The following CCDC198 variants were observed in gnomAD, a reference collection of about 807,000 sequenced individuals.
CCDC198 encodes the protein factor associated with metabolism and energy.
A neutral mutation model predicts 35.6 loss-of-function variants in CCDC198; 18 were observed. The observed-to-expected ratio is 0.51, with a 90% CI of 0.35 to 0.75. The LOEUF is 0.75. Among genes scored for constraint, CCDC198 ranks in the 30% least tolerant of loss-of-function variants. The probability of loss-of-function intolerance (pLI) is 0.01; values close to 1 mark genes in which losing one functional copy is unlikely to be tolerated. For missense variants in CCDC198, 365 were observed against 343.7 expected, an observed-to-expected ratio of 1.06 and a Z score of -0.49; for synonymous variants, 119 against 113.4, an observed-to-expected ratio of 1.05 and a Z score of -0.31.
chr14:57,479,967 A>G (rs1234485445), intron 5 of CCDC198, among the ~76,000 whole-genome samples: 2 of 152,162 alleles, frequency 1.3e-5, no homozygotes, highest in South Asian at 2.1e-4. Flanking sequence ...ACCTAAGGCA[A>G]TACTACTGGG....
chr14:57,472,802 C>T (rs1417905205), intron 5 of CCDC198, among the ~76,000 whole-genome samples: 3 of 152,102 alleles, frequency 2.0e-5, no homozygotes, highest in Non-Finnish European at 4.4e-5. Flanking sequence ...GCAACAGGAG[C>T]TTTGTTCAAG....
intron 5 of CCDC198, 143 bp downstream of exon 5, chr14:57,480,452 C>T: frequency 1.7e-6 from 2 of 1,188,404 alleles, no homozygotes; most frequent in East Asian, 5.0e-5. Context: ...GACAACATGC[C>T]CACTATATTC....
At chr14:57,476,650 C>G (rs1232977350) in intron 5 of CCDC198, among the ~76,000 whole-genome samples, 1 of 152,138 alleles carries the variant, frequency 6.6e-6, no homozygotes, top group Non-Finnish European at 1.5e-5. Context: ...CAGTAGAAAG[C>G]AGCAACTGAC....
intron 2 of CCDC198, 175 bp downstream of exon 2, chr14:57,490,814 C>T: frequency 3.1e-6 from 2 of 643,540 alleles, no homozygotes; most frequent in Non-Finnish European, 5.1e-6. Context: ...GAAATCATTG[C>T]TAAAGGAAAT....
At position 57,490,971 on chromosome 14, in the gene CCDC198, C is replaced by T. The variant is rs779565178; in HGVS notation, c.306+18G>A. 2.6e-6 allele frequency: 4 copies of T among 1,538,038 alleles called. No individual in the cohort carries two copies. In the Admixed American group the frequency reaches 5.1e-5, roughly 19 times the overall value. Reference sequence around the variant, plus strand: ...TTATCCAAGAAATTCCTTATGAAGCCTTTTAAATTCATCTTACTTGAAGTC... The same window carrying T: ...TTATCCAAGAAATTCCTTATGAAGCTTTTTAAATTCATCTTACTTGAAGTC... On this transcript the variant is annotated intron_variant, in intron 2 of 5. Transcript: ENST00000216445.
intron 5 of CCDC198, chr14:57,475,359 T>C: frequency 2.0e-6 from 2 of 995,262 alleles, no homozygotes; most frequent in South Asian, 4.2e-5. Flanking sequence ...GGTGGCCAGA[T>C]AAGACCAGAA....
chr14:57,475,127 G>A (rs896501584), intron 5 of CCDC198, among the ~76,000 whole-genome samples: 1 of 151,774 alleles, frequency 6.6e-6, no homozygotes, highest in Non-Finnish European at 1.5e-5. Context: ...CGGGCATGGT[G>A]GCGGGCGCCT....
chr14:57,490,901 A>G (rs781717871), intron 2 of CCDC198, 88 bp downstream of exon 2: 20 of 1,228,636 alleles, frequency 1.6e-5, no homozygotes, highest in Non-Finnish European at 2.2e-5. Flanking sequence ...GTCCTTATCA[A>G]TATCCCTCTT....
In CCDC198 at chr14:57,471,565, CA is replaced by C; in HGVS notation, c.680del (p.Leu227Ter). The C allele has an allele frequency of 6.3e-7, 1 of 1,594,288 alleles. No homozygotes were observed. The highest frequency in any genetic ancestry group is 1.7e-4 in the Middle Eastern group (1 of 5,940). Reference protein sequence around the residue: ...GPGNSKNTEFLKHQAVNNYCP... With the variant: ...GPGNSKNTEFXKHQAVNNYCP... ...AGTAGTTATTCACTGCTTGATGTTTCAAAAATTCTGTATTCTTTGAATTTCC... is the reference window on the plus strand; with the variant it reads ...AGTAGTTATTCACTGCTTGATGTTTCAAAATTCTGTATTCTTTGAATTTCC... On this transcript the variant is annotated frameshift_variant, in exon 6 of 6. Coordinates refer to ENST00000216445, the MANE Select transcript of CCDC198 (RefSeq NM_018168.4). LOFTEE classifies it high-confidence loss of function.
At chr14:57,479,553 T>A (rs188290296) in intron 5 of CCDC198, among the ~76,000 whole-genome samples, 1 of 152,362 alleles carries the variant, frequency 6.6e-6, no homozygotes, top group African/African-American at 2.4e-5. Context: ...GCAATCTTGA[T>A]AAAATGCAGG....
At chr14:57,484,041 A>G (rs1594804587) in intron 2 of CCDC198, among the ~76,000 whole-genome samples, 1 of 152,196 alleles carries the variant, frequency 6.6e-6, no homozygotes, top group East Asian at 1.9e-4. Flanking sequence ...AAAAACCTGC[A>G]GGGCAGAAAA....
In CCDC198 at chr14:57,475,788, C is replaced by CTTTTTTTT. The variant is rs548486752; in HGVS notation, c.656-4206_656-4199dup. 8.5e-4 allele frequency: 92 copies of CTTTTTTTT among 108,844 alleles called. 11 individuals are homozygous for CTTTTTTTT. Among genetic ancestry groups the CTTTTTTTT allele is most frequent in the East Asian group, 1.6e-3 (3 of 1,832 alleles). 6.7% of individuals were successfully genotyped at this position (108,844 alleles called of 1,614,324 possible). A position where few individuals can be genotyped will look rare whatever the true frequency, so the allele number is the denominator to read the frequency against. ...CATACATTTGTACGGCACTTAGCTT[C>CTTTTTTTT]TTTTTTTTTTTTTTTTTTTTTTTTT... On this transcript the variant is annotated intron_variant, in intron 5 of 5. Coordinates refer to ENST00000216445, the MANE Select transcript of CCDC198 (RefSeq NM_018168.4).
chr14:57,480,527 TG>T, intron 5 of CCDC198, 67 bp downstream of exon 5: 1 of 1,547,736 alleles, frequency 6.5e-7, no homozygotes, highest in African/African-American at 1.4e-5. Flanking sequence ...GTCCCTCCCT[TG>T]GTAGTTTATT....
chr14:57,478,257 AG>A (rs1455748189), intron 5 of CCDC198, among the ~76,000 whole-genome samples: 1 of 152,122 alleles, frequency 6.6e-6, no homozygotes, highest in African/African-American at 2.4e-5. Flanking sequence ...ACTTTTCCAA[AG>A]CTGTCCTTGA....
chr14:57,485,355 G>T (rs1395254357), intron 2 of CCDC198, among the ~76,000 whole-genome samples: 1 of 152,192 alleles, frequency 6.6e-6, no homozygotes, highest in African/African-American at 2.4e-5. Context: ...AGGAGACTGG[G>T]AAGTGATGGC....
rs1398029445 is a variant in CCDC198, at chr14:57,471,349, G to T, written c.*6C>A. 6.3e-7 allele frequency: 1 copy of T among 1,598,908 alleles called. No individual in the cohort carries two copies. The highest frequency in any genetic ancestry group is 1.7e-5 in the Admixed American group (1 of 59,538). On this transcript the variant is annotated 3_prime_UTR_variant, in exon 6 of 6. Coordinates refer to ENST00000216445, the MANE Select transcript of CCDC198 (RefSeq NM_018168.4). ...CACTCAGTTTCTAGGTTAATGAATA[G>T]TATTCTTATTCTTGATCAAAAAACT...
rs574712335 is a variant in CCDC198 at position 57,475,192 on chromosome 14, C to T, written c.656-3602G>A. 29 of 271,738 alleles carry T rather than the reference C, an allele frequency of 1.1e-4. 1 individual carries two copies. Among genetic ancestry groups the T allele is most frequent in the African/African-American group, 3.2e-4 (14 of 43,290 alleles). 16.8% of individuals were successfully genotyped at this position (271,738 alleles called of 1,614,324 possible). ...AGGAGAGTGGCGTGAACCCGGGAGG[C>T]GGAGCTTGCAGTGTGCAGAGATTGT... is the stretch of plus-strand genomic sequence containing the variant. On this transcript the variant is annotated intron_variant, in intron 5 of 5. Transcript: ENST00000216445.
intron 5 of CCDC198, among the ~76,000 whole-genome samples, chr14:57,479,226 T>C (rs1446155893): frequency 6.6e-6 from 1 of 152,162 alleles, no homozygotes; most frequent in Non-Finnish European, 1.5e-5. Context: ...AATGACTAGA[T>C]CCTGAATGGC....
In CCDC198 at chr14:57,471,566, A is replaced by G. The variant is rs2066820063; in HGVS notation, c.680T>C (p.Leu227Ser). The stretch of plus-strand genomic sequence containing the variant: ...GTAGTTATTCACTGCTTGATGTTTC[A>G]AAAATTCTGTATTCTTTGAATTTCC... Reference protein sequence around the residue: ...GPGNSKNTEFLKHQAVNNYCP... With the variant: ...GPGNSKNTEFSKHQAVNNYCP... Residue 227 changes from leucine to serine, a missense_variant, in exon 6 of 6, where the codon TTG becomes TCG. Transcript: ENST00000216445. 2 of 1,594,658 alleles carry G rather than the reference A, an allele frequency of 1.3e-6. No homozygotes were observed. Among genetic ancestry groups the G allele is most frequent in the Non-Finnish European group, 1.7e-6 (2 of 1,171,052 alleles).
Sources: gnomAD v4.1 joint callset for allele counts (sites outside exome capture counted in the v4.1 genomes callset) on GRCh38, gnomAD v4.1.1 for gene constraint, MANE v1.5 for transcripts, NCBI Gene and HGNC (gene_info 2026-07-23, HGNC 2026-07-21) for gene names.